The following CEP164 variants were observed in gnomAD, a reference collection of about 807,000 sequenced individuals.
CEP164 encodes centrosomal protein 164.
A neutral mutation model predicts 182.7 loss-of-function variants in CEP164; 162 were observed. That is an observed-to-expected ratio of 0.89 (90% CI 0.78 to 1.01). The LOEUF (loss-of-function observed/expected upper bound fraction) is 1.01, where lower values mean the gene tolerates loss of function less well. Ranked by LOEUF, CEP164 falls within the 50% of genes least tolerant of loss-of-function variation. The pLI is 0.00. For missense variants in CEP164, 1,735 were observed against 1,790.4 expected (o/e 0.97, Z 0.56); for synonymous variants, 661 against 690.0 (o/e 0.96, Z 0.66).
intron 4 of CEP164, among the ~76,000 whole-genome samples, chr11:117,351,397 A>T (rs1007204072): frequency 1.3e-5 from 2 of 152,166 alleles, no homozygotes; most frequent in African/African-American, 2.4e-5. Flanking sequence ...TGTTTATTAA[A>T]ATATTAAGAT....
At chr11:117,342,472 C>T (rs928262028) in intron 3 of CEP164, among the ~76,000 whole-genome samples, 13 of 151,716 alleles carry the variant, frequency 8.6e-5, no homozygotes, top group Admixed American at 5.9e-4. Flanking sequence ...TTTTCCTGTA[C>T]GTGAGATAGC....
chr11:117,355,660 A>G lies in CEP164; in HGVS notation c.393+3672A>G, dbSNP rs531371410. On this transcript the variant is annotated intron_variant, in intron 5 of 32. Transcript: ENST00000278935. ...CTACTGAAGACCTGAGCTGGCAGGG[A>G]GTTCCTGGGGAAGGTGGGAGCATAG... 5 of 1,191,152 alleles carry G rather than the reference A, an allele frequency of 4.2e-6. No homozygotes were observed. In the African/African-American group the frequency reaches 8.0e-5, roughly 19 times the overall value. 73.8% of individuals were successfully genotyped at this position (1,191,152 alleles called of 1,614,324 possible).
intron 13 of CEP164, 117 bp from the exon 14 acceptor site, chr11:117,382,679 A>T: frequency 8.0e-7 from 1 of 1,243,784 alleles, no homozygotes; most frequent in Non-Finnish European, 1.1e-6. Flanking sequence ...GAGGTAGGGA[A>T]ATTGTTGGGC....
chr11:117,354,882 T>A (rs150178629), intron 5 of CEP164: 38 of 1,215,410 alleles, frequency 3.1e-5, no homozygotes, highest in Non-Finnish European at 3.6e-5. Flanking sequence ...CAAGTGTAAA[T>A]CAGAAGTGCT....
At chr11:117,377,416 C>T (rs925618781) in intron 11 of CEP164, among the ~76,000 whole-genome samples, 1 of 152,196 alleles carries the variant, frequency 6.6e-6, no homozygotes, top group Non-Finnish European at 1.5e-5. Context: ...TACCTTGTGA[C>T]CTGCCTGTTG....
At position 117,381,765 on chromosome 11, in the gene CEP164, G is replaced by A. The variant is rs757278608; in HGVS notation, c.1474G>A (p.Glu492Lys). 8 of 1,607,018 alleles carry A rather than the reference G, an allele frequency of 5.0e-6. No homozygotes were observed. The highest frequency in any genetic ancestry group is 6.8e-6 in the Non-Finnish European group (8 of 1,176,850). ...QSPPRSLATEEEPPQGPEGQP... is the reference protein window; with the variant it reads ...QSPPRSLATEKEPPQGPEGQP... The stretch of plus-strand genomic sequence containing the variant: ...TCCCCCTCGCAGCCTGGCCACTGAA[G>A]AAGAGCCTCCCCAGGGCCCCGAGGG... Residue 492 changes from glutamate to lysine, a missense_variant, in exon 13 of 33, where the codon GAA becomes AAA. Glu to Lys is a moderately conservative substitution (Grantham distance 56). Transcript: ENST00000278935.
intron 4 of CEP164, among the ~76,000 whole-genome samples, chr11:117,349,433 A>G (rs2039348737): frequency 1.3e-5 from 2 of 152,198 alleles, no homozygotes; most frequent in Admixed American, 6.5e-5. Context: ...TCATTTGGGT[A>G]TATGCCCAGA....
chr11:117,368,261 G>A (rs1471209815), intron 8 of CEP164, among the ~76,000 whole-genome samples: 3 of 152,236 alleles, frequency 2.0e-5, no homozygotes, highest in Non-Finnish European at 2.9e-5. Context: ...GGACCAGGGG[G>A]AGTGTGTCGG....
chr11:117,374,112 A>G (rs559629502), intron 10 of CEP164, among the ~76,000 whole-genome samples: 1 of 152,214 alleles, frequency 6.6e-6, no homozygotes, highest in East Asian at 1.9e-4. Flanking sequence ...AATGTTAGCT[A>G]TTATTACTCT....
At position 117,377,459 on chromosome 11, in the gene CEP164, C is replaced by A. The variant is rs551319827; in HGVS notation, c.1317+1668C>A. On this transcript the variant is annotated intron_variant, in intron 11 of 32. Coordinates refer to ENST00000278935, the MANE Select transcript of CEP164 (RefSeq NM_014956.5). ...GGTAACAGTGCTCAGTGTGGCTGAC[C>A]AAGTAGCCAAGCCTTTGCAGGCTCA... Among the ~76,000 whole-genome samples the A allele has an allele frequency of 5.9e-5, 9 of 152,288 alleles. No individual in the cohort carries two copies. The East Asian group carries it at 1.7e-3, about 29-fold the overall frequency.
chr11:117,392,453 G>C, intron 18 of CEP164, 43 bp from the exon 19 acceptor site: 1 of 1,600,156 alleles, frequency 6.2e-7, no homozygotes. Flanking sequence ...TGTACAGTCT[G>C]TCTGAGGGTC....
Position 117,409,256 on chromosome 11 carries a change from C to T in CEP164, c.3748+228C>T, listed in dbSNP as rs528920872. The T allele has an allele frequency of 5.7e-5, 35 of 617,246 alleles. No homozygotes were observed. Among genetic ancestry groups the T allele is most frequent in the East Asian group, 3.6e-4 (13 of 35,928 alleles). 38.2% of individuals were successfully genotyped at this position (617,246 alleles called of 1,614,324 possible). On this transcript the variant is annotated intron_variant, in intron 29 of 32. Coordinates refer to ENST00000278935, the MANE Select transcript of CEP164 (RefSeq NM_014956.5). The surrounding 1 kb of genome is among the most constrained non-coding windows in gnomAD (Gnocchi z 4.4). ...CCTCTGAATGCTGCAGAGCACTCTA[C>T]GGTGTGACCACTGGCCTTGCTGGCC...
At position 117,392,600 on chromosome 11, in the gene CEP164, T is replaced by C. The variant is rs563608251; in HGVS notation, c.2466T>C (p.Ser822=). The part of the protein sequence containing the change: ...GQVEHRVHQK[S]YHVAGYEHEL... ...TGGAGCACAGAGTTCACCAGAAGTC[T>C]TATCACGTGGCTGGGTATGAGCACG... is the stretch of plus-strand genomic sequence containing the variant. Residue 822 remains serine (S), a synonymous_variant, in exon 19 of 33, where the codon TCT becomes TCC. Transcript: ENST00000278935. 346 of 1,614,144 alleles carry C rather than the reference T, an allele frequency of 2.1e-4. 5 individuals carry two copies. The South Asian group carries it at 3.4e-3, about 16-fold the overall frequency.
intron 27 of CEP164, among the ~76,000 whole-genome samples, chr11:117,399,226 A>G (rs959939438): frequency 6.6e-6 from 1 of 152,162 alleles, no homozygotes; most frequent in African/African-American, 2.4e-5. Context: ...GAGTGAGAAC[A>G]TGCAGTGTTT....
rs2037083485 is a variant in CEP164 at position 117,336,197 on chromosome 11, G to A, written c.-22+517G>A. The A allele has an allele frequency of 1.3e-6, 2 of 1,589,194 alleles. 1 individual carries two copies. The highest frequency in any genetic ancestry group is 3.4e-5 in the Admixed American group (2 of 59,284). On this transcript the variant is annotated intron_variant, in intron 2 of 32. Coordinates refer to ENST00000278935, the MANE Select transcript of CEP164 (RefSeq NM_014956.5). Reference sequence around the variant, plus strand: ...GACTTGAGGGAAGGGTCCAGGGCCTGTATTCAGTCAGAATCGCTGCTGGAA... The same window carrying A: ...GACTTGAGGGAAGGGTCCAGGGCCTATATTCAGTCAGAATCGCTGCTGGAA...
rs558959568 is a variant in CEP164 at position 117,336,293 on chromosome 11, T to C, written c.-22+613T>C. ...TTGTGCATCTTTTTATGAGCTTTCT[T>C]CATTTTATTCTGCATCTTCTTGTCC... is the stretch of plus-strand genomic sequence containing the variant. On this transcript the variant is annotated intron_variant, in intron 2 of 32. Coordinates refer to ENST00000278935, the MANE Select transcript of CEP164 (RefSeq NM_014956.5). The C allele has an allele frequency of 6.5e-6, 10 of 1,535,780 alleles. 1 individual carries two copies. The South Asian group carries it at 1.1e-4, about 17-fold the overall frequency.
Position 117,392,997 on chromosome 11 carries a change from C to T in CEP164, c.2494-7C>T, listed in dbSNP as rs1464116429. The T allele has an allele frequency of 1.2e-6, 2 of 1,612,764 alleles. No individual in the cohort carries two copies. Among genetic ancestry groups the T allele is most frequent in the Admixed American group, 1.7e-5 (1 of 59,988 alleles). ...TTCATGCCACATCCCTGCCATCTCC[C>T]CTGCAGCTCAGCAGTCTCCTGCGAG... On this transcript the variant is annotated splice_region_variant and splice_polypyrimidine_tract_variant and intron_variant, in intron 19 of 32. Transcript: ENST00000278935.
intron 14 of CEP164, 113 bp from the exon 15 acceptor site, chr11:117,387,090 T>C: frequency 1.1e-6 from 1 of 925,998 alleles, no homozygotes; most frequent in Admixed American, 2.0e-5. Flanking sequence ...GACTCCTGAT[T>C]GTGGGCCCTC....
intron 10 of CEP164, among the ~76,000 whole-genome samples, chr11:117,375,173 C>T (rs1274935969): frequency 6.6e-6 from 1 of 152,216 alleles, no homozygotes; most frequent in Non-Finnish European, 1.5e-5. Context: ...GGCATCTCTT[C>T]TCATGCCTGG....
Sources: allele counts gnomAD v4.1 joint callset (sites outside exome capture counted in the v4.1 genomes callset), GRCh38; gene constraint gnomAD v4.1.1; non-coding constraint Gnocchi (gnomAD v3.1); transcripts MANE v1.5; gene names NCBI Gene and HGNC (gene_info 2026-07-23, HGNC 2026-07-21).